Variants in MMP15 observed in about 807,000 individuals in gnomAD.
MMP15 encodes matrix metallopeptidase 15.
Under a neutral mutation model 65.0 loss-of-function variants are expected in MMP15, and 36 were observed. The ratio of observed to expected loss-of-function variants is 0.55; its 90% CI spans 0.42 to 0.73. MMP15 has a LOEUF of 0.73. Ranked by LOEUF, MMP15 falls within the 30% of genes least tolerant of loss-of-function variation. The probability of loss-of-function intolerance (pLI) is 0.00; values close to 1 mark genes in which losing one functional copy is unlikely to be tolerated. For missense variants in MMP15, 870 were observed against 987.8 expected (o/e 0.88, Z 1.60); for synonymous variants, 428 against 410.2 (o/e 1.04, Z -0.52).
At position 58,045,671 on chromosome 16, in the gene MMP15, T is replaced by C; in HGVS notation, c.*225T>C. The C allele has an allele frequency of 1.8e-6, 1 of 553,054 alleles. No individual in the cohort carries two copies. The highest frequency in any genetic ancestry group is 2.3e-5 in the South Asian group (1 of 42,664). 34.3% of individuals were successfully genotyped at this position (553,054 alleles called of 1,614,324 possible). A position where few individuals can be genotyped will look rare whatever the true frequency, so the allele number is the denominator to read the frequency against. On this transcript the variant is annotated 3_prime_UTR_variant, in exon 10 of 10. Transcript: ENST00000219271. ...CTGGGGCAGGGTGTTTAGAATTTTCTAAATGTAGTTCTGCTCCAGACAGGG... is the reference window on the plus strand; with the variant it reads ...CTGGGGCAGGGTGTTTAGAATTTTCCAAATGTAGTTCTGCTCCAGACAGGG...
chr16:58,038,479 C>T (rs543717290), intron 3 of MMP15, 85 bp downstream of exon 3: 494 of 1,560,066 alleles, frequency 3.2e-4, no homozygotes, highest in Non-Finnish European at 4.2e-4. Context: ...ACCTCGGCGC[C>T]CAGCCTTAAC....
chr16:58,034,643 A>G (rs558950171), intron 1 of MMP15, among the ~76,000 whole-genome samples: 1 of 152,216 alleles, frequency 6.6e-6, no homozygotes, highest in African/African-American at 2.4e-5. Context: ...ACCACCCCCC[A>G]GCTTCCCCAA....
At chr16:58,028,440 C>A (rs2142322116) in intron 1 of MMP15, among the ~76,000 whole-genome samples, 1 of 152,318 alleles carries the variant, frequency 6.6e-6, no homozygotes, top group South Asian at 2.1e-4. Context: ...AGTGTCCCAG[C>A]TCCTACAGTT....
intron 3 of MMP15, 96 bp from the exon 4 acceptor site, chr16:58,039,779 T>C: frequency 7.9e-7 from 1 of 1,258,582 alleles, no homozygotes; most frequent in South Asian, 1.5e-5. Context: ...ATGACGGGCT[T>C]GTTGGTGACC....
At chr16:58,033,168 G>A (rs1959266340) in intron 1 of MMP15, among the ~76,000 whole-genome samples, 1 of 152,242 alleles carries the variant, frequency 6.6e-6, no homozygotes. Flanking sequence ...AGATGGCCCA[G>A]CGCCCAGACC....
At chr16:58,040,249 T>C in intron 4 of MMP15, 67 bp downstream of exon 4, 1 of 1,511,484 alleles carries the variant, frequency 6.6e-7, no homozygotes, top group Non-Finnish European at 8.9e-7. Context: ...AACACCCTGC[T>C]GAGTGGGTTC....
intron 7 of MMP15, 55 bp from the exon 8 acceptor site, chr16:58,043,155 C>G: frequency 1.4e-6 from 2 of 1,472,300 alleles, no homozygotes; most frequent in South Asian, 2.7e-5. Context: ...TCTTTTCCCG[C>G]ACACACCCCT....
intron 1 of MMP15, among the ~76,000 whole-genome samples, chr16:58,027,845 G>A (rs1417189877): frequency 2.1e-5 from 3 of 143,016 alleles, no homozygotes; most frequent in Non-Finnish European, 4.6e-5. Context: ...GCCCCGCCCC[G>A]ACCCAGTCTG....
At chr16:58,032,687 A>G (rs1365753008) in intron 1 of MMP15, among the ~76,000 whole-genome samples, 1 of 152,168 alleles carries the variant, frequency 6.6e-6, no homozygotes, top group Non-Finnish European at 1.5e-5. Context: ...AGTGGCTGGG[A>G]GTACAGAGCT....
At position 58,025,803 on chromosome 16, in the gene MMP15, G is replaced by C. The variant is rs1034689932; in HGVS notation, c.-548G>C. ...CCGCGCTGAACTCGCCGGGGACGTC[G>C]GGCGCCCGCTCCTTGGCTGGCTCGC... On this transcript the variant is annotated 5_prime_UTR_variant, in exon 1 of 10. Coordinates refer to ENST00000219271, the MANE Select transcript of MMP15 (RefSeq NM_002428.4). The C allele has an allele frequency of 2.6e-5, 4 of 151,762 alleles. No homozygotes were observed. Among genetic ancestry groups the C allele is most frequent in the East Asian group, 1.9e-4 (1 of 5,130 alleles). 9.4% of individuals were successfully genotyped at this position (151,762 alleles called of 1,614,324 possible).
intron 1 of MMP15, among the ~76,000 whole-genome samples, chr16:58,029,683 G>T (rs1963869826): frequency 6.6e-6 from 1 of 152,208 alleles, no homozygotes; most frequent in Non-Finnish European, 1.5e-5. Context: ...TCTGAGCAGT[G>T]TATTGGCCTG....
intron 1 of MMP15, 52 bp downstream of exon 1, chr16:58,026,564 G>A (rs897677446): frequency 3.1e-6 from 4 of 1,283,282 alleles, no homozygotes; most frequent in Non-Finnish European, 3.9e-6. Context: ...TGGAGGGAGA[G>A]GCGCCACGTC....
At chr16:58,028,996 A>G (rs981847008) in intron 1 of MMP15, among the ~76,000 whole-genome samples, 16 of 152,090 alleles carry the variant, frequency 1.1e-4, no homozygotes, top group Non-Finnish European at 5.9e-5. Context: ...GGGAGCTCTT[A>G]TCTCACCTGC....
chr16:58,043,549 C>A lies in MMP15; in HGVS notation c.1492C>A (p.Pro498Thr). Residue 498 changes from proline to threonine, a missense_variant, in exon 9 of 10, where the codon CCT (proline) becomes ACT (threonine). Transcript: ENST00000219271. ...RFNEETQRGDPGYPKPISVWQ... is the reference protein window; with the variant it reads ...RFNEETQRGDTGYPKPISVWQ... ...CAACGAGGAGACACAGCGTGGAGAC[C>A]CTGGGTACCCCAAGCCCATCAGTGT... 6.2e-7 allele frequency: 1 copy of A among 1,613,974 alleles called. No individual in the cohort carries two copies. The highest frequency in any genetic ancestry group is 8.5e-7 in the Non-Finnish European group (1 of 1,179,934).
intron 1 of MMP15, among the ~76,000 whole-genome samples, chr16:58,036,121 C>T (rs1198779468): frequency 6.6e-6 from 1 of 152,192 alleles, no homozygotes; most frequent in Non-Finnish European, 1.5e-5. Context: ...CTCAGAGTGC[C>T]AGCCTTAAGG....
chr16:58,034,240 T>C (rs1054377428), intron 1 of MMP15, among the ~76,000 whole-genome samples: 1 of 152,244 alleles, frequency 6.6e-6, no homozygotes, highest in African/African-American at 2.4e-5. Context: ...GCTTGAACAC[T>C]GGGATTGCGA....
At chr16:58,030,217 A>G (rs1053307874) in intron 1 of MMP15, among the ~76,000 whole-genome samples, 1 of 152,062 alleles carries the variant, frequency 6.6e-6, no homozygotes, top group Non-Finnish European at 1.5e-5. Flanking sequence ...TTTCTCCTTT[A>G]CAAAGCGGGT....
At chr16:58,036,486 G>A (rs1959332674) in intron 1 of MMP15, among the ~76,000 whole-genome samples, 1 of 152,212 alleles carries the variant, frequency 6.6e-6, no homozygotes, top group South Asian at 2.1e-4. Flanking sequence ...GGCAGGGTGG[G>A]TGGTGGATGG....
At chr16:58,031,449 C>T (rs1597062110) in intron 1 of MMP15, among the ~76,000 whole-genome samples, 1 of 152,160 alleles carries the variant, frequency 6.6e-6, no homozygotes, top group African/African-American at 2.4e-5. Flanking sequence ...TGGACAGCCC[C>T]GTCTAGGAGT....
Sources: gnomAD v4.1 joint callset for allele counts (sites outside exome capture counted in the v4.1 genomes callset) on GRCh38, gnomAD v4.1.1 for gene constraint, MANE v1.5 for transcripts, NCBI Gene and HGNC (gene_info 2026-07-23, HGNC 2026-07-21) for gene names.